Variants in NEK11 observed in about 807,000 individuals in gnomAD.
The protein encoded by NEK11 is serine/threonine-protein kinase Nek11.
NEK11 carries 72 observed loss-of-function variants against 80.7 expected under a neutral mutation model. The ratio of observed to expected loss-of-function variants is 0.89; its 90% CI spans 0.74 to 1.08. NEK11 has a LOEUF of 1.08. Among genes scored for constraint, NEK11 ranks in the 50% least tolerant of loss-of-function variants. The probability of loss-of-function intolerance (pLI) is 0.00; values close to 1 mark genes in which losing one functional copy is unlikely to be tolerated. For synonymous variants in NEK11, 251 were observed against 260.7 expected, an observed-to-expected ratio of 0.96 and a Z score of 0.36; for missense variants, 764 against 763.6, an observed-to-expected ratio of 1.00 and a Z score of -0.01.
At chr3:131,305,163 G>A (rs973847790) in intron 17 of NEK11, among the ~76,000 whole-genome samples, 1 of 151,816 alleles carries the variant, frequency 6.6e-6, no homozygotes, top group Non-Finnish European at 1.5e-5. Context: ...GTGCACTGGC[G>A]GGGGAGGGAG....
intron 15 of NEK11, among the ~76,000 whole-genome samples, chr3:131,236,442 A>G (rs2095432513): frequency 6.6e-6 from 1 of 152,062 alleles, no homozygotes. Context: ...CTGTCATTGG[A>G]TACCTATGAA....
intron 17 of NEK11, among the ~76,000 whole-genome samples, chr3:131,316,589 T>G (rs1349243916): frequency 6.6e-6 from 1 of 152,236 alleles, no homozygotes; most frequent in Non-Finnish European, 1.5e-5. Context: ...AAGCCTGAGC[T>G]CCTGCCTGTA....
chr3:131,252,724 G>A (rs1233796798), intron 16 of NEK11, among the ~76,000 whole-genome samples: 2 of 152,040 alleles, frequency 1.3e-5, no homozygotes, highest in African/African-American at 4.8e-5. Flanking sequence ...TACAGGTTTG[G>A]TATGTGTCCA....
intron 7 of NEK11, among the ~76,000 whole-genome samples, chr3:131,143,709 G>C (rs1284949475): frequency 5.3e-5 from 8 of 151,968 alleles, no homozygotes; most frequent in Non-Finnish European, 1.2e-4. Flanking sequence ...ATAAAAAATT[G>C]CTATATAATA....
At chr3:131,326,413 CTCT>C (rs966950412) in intron 17 of NEK11, 2 of 152,410 alleles carry the variant, frequency 1.3e-5, no homozygotes, top group African/African-American at 4.8e-5. Context: ...CATTCTTCTC[CTCT>C]TAATTAGGCT....
intron 3 of NEK11, among the ~76,000 whole-genome samples, chr3:131,074,411 C>T (rs1406500314): frequency 1.3e-5 from 2 of 152,108 alleles, no homozygotes; most frequent in Non-Finnish European, 2.9e-5. Flanking sequence ...TTAAAAAATA[C>T]TCCTCCTCCC....
chr3:131,288,951 A>G (rs1421612232), intron 17 of NEK11, among the ~76,000 whole-genome samples: 1 of 152,256 alleles, frequency 6.6e-6, no homozygotes, highest in African/African-American at 2.4e-5. Context: ...AACGGAGATT[A>G]AAAACATTCC....
chr3:131,166,189 C>G (rs971628322), intron 12 of NEK11, among the ~76,000 whole-genome samples: 1 of 152,222 alleles, frequency 6.6e-6, no homozygotes, highest in African/African-American at 2.4e-5. Flanking sequence ...CATAGCACTT[C>G]AGGTAAAAGC....
chr3:131,195,988 G>T lies in NEK11; in HGVS notation c.1399+25101G>T, dbSNP rs189596633. On this transcript the variant is annotated intron_variant, in intron 14 of 17. Transcript: ENST00000383366. ...ATGAATGGGAGCGTATTTTATGTGG[G>T]TTTGGTGACTATTATATGTGATAAT... 8.1e-3 allele frequency among the ~76,000 whole-genome samples: 1,225 copies of T among 151,146 alleles called. 11 individuals carry two copies. The highest frequency in any genetic ancestry group is 0.01 in the Non-Finnish European group (691 of 67,808).
At chr3:131,142,866 A>G (rs1483428970) in intron 7 of NEK11, among the ~76,000 whole-genome samples, 1 of 152,152 alleles carries the variant, frequency 6.6e-6, no homozygotes, top group Non-Finnish European at 1.5e-5. Flanking sequence ...AGCTTTGATA[A>G]TCTTCCTTGA....
intron 3 of NEK11, among the ~76,000 whole-genome samples, chr3:131,068,766 TGTCTTGGTA>T (rs1431699402): frequency 6.6e-6 from 1 of 152,236 alleles, no homozygotes; most frequent in African/African-American, 2.4e-5. Flanking sequence ...TCCTTTGATC[TGTCTTGGTA>T]GGTTATGCCC....
chr3:131,042,340 C>T (rs1406875735), intron 3 of NEK11, among the ~76,000 whole-genome samples: 1 of 152,178 alleles, frequency 6.6e-6, no homozygotes, highest in Non-Finnish European at 1.5e-5. Flanking sequence ...CCCATGGAAC[C>T]CAGCAAGCTA....
chr3:131,214,645 T>A (rs779773350), intron 14 of NEK11, among the ~76,000 whole-genome samples: 14 of 152,156 alleles, frequency 9.2e-5, no homozygotes, highest in Non-Finnish European at 1.6e-4. Flanking sequence ...GAGGGAGACC[T>A]ATTTCCAAAA....
At chr3:131,102,105 G>A (rs188827491) in intron 4 of NEK11, among the ~76,000 whole-genome samples, 2 of 152,084 alleles carry the variant, frequency 1.3e-5, no homozygotes, top group African/African-American at 2.4e-5. Flanking sequence ...CTTTGAGCCC[G>A]TGTGTACCAT....
chr3:131,243,995 C>A (rs2095557780), intron 16 of NEK11, among the ~76,000 whole-genome samples: 1 of 151,544 alleles, frequency 6.6e-6, no homozygotes, highest in Non-Finnish European at 1.5e-5. Flanking sequence ...TTCTTAGTTT[C>A]TTCTATTTTT....
chr3:131,035,917 A>T (rs2065567507), intron 3 of NEK11, among the ~76,000 whole-genome samples: 1 of 152,222 alleles, frequency 6.6e-6, no homozygotes, highest in South Asian at 2.1e-4. Flanking sequence ...TCTACTAAAT[A>T]GCTCTGGATG....
intron 15 of NEK11, among the ~76,000 whole-genome samples, chr3:131,234,458 A>T (rs1489528186): frequency 2.0e-5 from 3 of 152,184 alleles, no homozygotes; most frequent in African/African-American, 7.2e-5. Context: ...ATTGTCGATC[A>T]TTTTTCCATT....
intron 15 of NEK11, among the ~76,000 whole-genome samples, chr3:131,239,068 C>T (rs946865395): frequency 5.9e-5 from 9 of 151,958 alleles, no homozygotes; most frequent in Non-Finnish European, 1.2e-4. Context: ...CAGTGCCTGG[C>T]CACAGCTTCA....
intron 17 of NEK11, among the ~76,000 whole-genome samples, chr3:131,334,685 T>G (rs1169884120): frequency 6.6e-6 from 1 of 152,036 alleles, no homozygotes; most frequent in Admixed American, 6.5e-5. Flanking sequence ...AGGAGCTGGT[T>G]TTTTTGAAAG....
Sources: gnomAD v4.1 joint callset for allele counts (sites outside exome capture counted in the v4.1 genomes callset) on GRCh38, gnomAD v4.1.1 for gene constraint, MANE v1.5 for transcripts, NCBI Gene and HGNC (gene_info 2026-07-23, HGNC 2026-07-21) for gene names.